ITGA11: variants seen among roughly 807,000 people sequenced by gnomAD.
The protein encoded by ITGA11 is integrin subunit alpha 11, also known as integrin alpha-11.
A neutral mutation model predicts 141.9 loss-of-function variants in ITGA11; 97 were observed. The observed-to-expected ratio is 0.68, with a 90% CI of 0.58 to 0.81. The LOEUF is 0.81. Ranked by LOEUF, ITGA11 falls within the 30% of genes least tolerant of loss-of-function variation. The pLI, the probability that ITGA11 is intolerant of heterozygous loss-of-function variation, is 0.00. For synonymous variants in ITGA11, 658 were observed against 624.6 expected (o/e 1.05, Z -0.80); for missense variants, 1,387 against 1,559.2 (o/e 0.89, Z 1.86).
chr15:68,407,547 A>T (rs987826394), intron 1 of ITGA11, among the ~76,000 whole-genome samples: 1 of 152,122 alleles, frequency 6.6e-6, no homozygotes, highest in Non-Finnish European at 1.5e-5. Flanking sequence ...TGATAAAATA[A>T]AGTTGTTTTG....
chr15:68,418,662 TACAGCTG>T (rs942264910), intron 1 of ITGA11, among the ~76,000 whole-genome samples: 1 of 146,348 alleles, frequency 6.8e-6, no homozygotes, highest in African/African-American at 2.5e-5. Flanking sequence ...GCACAGCCGG[TACAGCTG>T]TACGTGGCGG....
At chr15:68,337,126 T>C (rs985981158) in intron 11 of ITGA11, among the ~76,000 whole-genome samples, 15 of 152,176 alleles carry the variant, frequency 9.9e-5, no homozygotes, top group Non-Finnish European at 1.5e-4. Context: ...ATGTTCTCAG[T>C]TGGTCTTGGG....
In ITGA11 at chr15:68,399,018, G is replaced by A. The variant is rs557428573; in HGVS notation, c.164+3900C>T. On this transcript the variant is annotated intron_variant, in intron 2 of 29. Transcript: ENST00000315757. Reference sequence around the variant, plus strand: ...CCATAAAATTGAACGTATAAATTCAGTATAACTCCAATAAAAATCTCAGCA... The same window carrying A: ...CCATAAAATTGAACGTATAAATTCAATATAACTCCAATAAAAATCTCAGCA... Among the ~76,000 whole-genome samples, 17 of 151,874 alleles carry A rather than the reference G, an allele frequency of 1.1e-4. No homozygotes were observed. In the South Asian group the frequency reaches 3.5e-3, roughly 31 times the overall value.
At chr15:68,431,362 C>G (rs1897266860) in intron 1 of ITGA11, among the ~76,000 whole-genome samples, 1 of 152,230 alleles carries the variant, frequency 6.6e-6, no homozygotes, top group Non-Finnish European at 1.5e-5. Context: ...GGGTCCCTAC[C>G]CCGGGTGTCA....
chr15:68,314,798 G>A (rs573629449), intron 22 of ITGA11, among the ~76,000 whole-genome samples: 1 of 152,214 alleles, frequency 6.6e-6, no homozygotes, highest in South Asian at 2.1e-4. Context: ...TGGGACGCGA[G>A]CACGTGTCGG....
chr15:68,362,865 G>C (rs1895291854), intron 4 of ITGA11, among the ~76,000 whole-genome samples: 1 of 152,100 alleles, frequency 6.6e-6, no homozygotes, highest in Non-Finnish European at 1.5e-5. Flanking sequence ...ATCCATGTAT[G>C]AATGGGTGGA....
intron 1 of ITGA11, among the ~76,000 whole-genome samples, chr15:68,418,510 C>T (rs985851456): frequency 1.3e-5 from 2 of 152,264 alleles, no homozygotes; most frequent in East Asian, 3.9e-4. Flanking sequence ...TGCTTTAAGT[C>T]CCTGTGTAGG....
intron 2 of ITGA11, among the ~76,000 whole-genome samples, chr15:68,379,054 A>G (rs1175756215): frequency 6.6e-6 from 1 of 152,230 alleles, no homozygotes; most frequent in East Asian, 1.9e-4. Flanking sequence ...AAAAGTAGCC[A>G]ACTTGTGCCA....
chr15:68,404,228 C>A (rs1896583839), intron 1 of ITGA11, among the ~76,000 whole-genome samples: 1 of 152,106 alleles, frequency 6.6e-6, no homozygotes, highest in Non-Finnish European at 1.5e-5. Context: ...AGCCTGAGGT[C>A]CCAGTGGCCA....
chr15:68,319,815 G>A (rs1438212766), intron 20 of ITGA11, among the ~76,000 whole-genome samples: 1 of 152,178 alleles, frequency 6.6e-6, no homozygotes, highest in Non-Finnish European at 1.5e-5. Flanking sequence ...AGCCCTGGCT[G>A]CACACTGAAG....
At chr15:68,368,124 T>A (rs565889114) in intron 3 of ITGA11, among the ~76,000 whole-genome samples, 1 of 152,304 alleles carries the variant, frequency 6.6e-6, no homozygotes, top group South Asian at 2.1e-4. Flanking sequence ...GACCTTTTCA[T>A]CCATCAGCTT....
In ITGA11 at chr15:68,322,058, G is replaced by C. The variant is rs987327044; in HGVS notation, c.2323-555C>G. 6.6e-6 allele frequency among the ~76,000 whole-genome samples: 1 copy of C among 152,198 alleles called. No homozygotes were observed. The highest frequency in any genetic ancestry group is 1.5e-5 in the Non-Finnish European group (1 of 68,034). ...GACGGTCAAGGTAGCTGTGTGGACCGGGATGGAGGTGGTGAAGTCCAGGAG... is the reference window on the plus strand; with the variant it reads ...GACGGTCAAGGTAGCTGTGTGGACCCGGATGGAGGTGGTGAAGTCCAGGAG... On this transcript the variant is annotated intron_variant, in intron 18 of 29. Coordinates refer to ENST00000315757, the MANE Select transcript of ITGA11 (RefSeq NM_001004439.2). This position sits in a 1 kb window ranked among gnomAD's most constrained non-coding sequence, Gnocchi z 5.6.
chr15:68,400,587 TTA>T (rs1257415195), intron 2 of ITGA11, among the ~76,000 whole-genome samples: 3 of 102,220 alleles, frequency 2.9e-5, no homozygotes, highest in Non-Finnish European at 5.6e-5. Context: ...TATATATATT[TTA>T]TATATTATAT....
rs1436349349 is a variant in ITGA11 at position 68,364,788 on chromosome 15, G to A, written c.276C>T (p.Thr92=). ...CTTTCCGCTCGGACACGTTGGACAG[G>A]GTGACCCTTCCTGGGGTTGGGGGAG... ...NCTKLNLGRV[T]LSNVSERKDN... Residue 92 remains threonine (T), a synonymous_variant, in exon 4 of 30, where the codon ACC becomes ACT. Transcript: ENST00000315757. The A allele has an allele frequency of 2.5e-6, 4 of 1,613,690 alleles. No homozygotes were observed. Among genetic ancestry groups the A allele is most frequent in the Non-Finnish European group, 3.4e-6 (4 of 1,179,846 alleles).
At chr15:68,393,942 AC>A (rs1346010184) in intron 2 of ITGA11, among the ~76,000 whole-genome samples, 1 of 152,200 alleles carries the variant, frequency 6.6e-6, no homozygotes, top group Admixed American at 6.5e-5. Context: ...CTGGAATCAA[AC>A]TGTCGTAAAG....
intron 6 of ITGA11, 123 bp downstream of exon 6, chr15:68,358,335 A>C: frequency 9.4e-7 from 1 of 1,069,040 alleles, no homozygotes. Context: ...TGGCCCTACT[A>C]CCTCTGCCCT....
At position 68,332,392 on chromosome 15, in the gene ITGA11, C is replaced by A; in HGVS notation, c.1512G>T (p.Met504Ile). Reference protein sequence around the residue: ...VTDVLLVGAPMYFNEGRERGK... With the variant: ...VTDVLLVGAPIYFNEGRERGK... ...CTCGCTCACGGCCCTCGTTGAAGTACATGGGTGCGCCCACCAGCAGGACAT... is the reference window on the plus strand; with the variant it reads ...CTCGCTCACGGCCCTCGTTGAAGTAAATGGGTGCGCCCACCAGCAGGACAT... Residue 504 changes from methionine to isoleucine, a missense_variant, in exon 13 of 30, where the codon ATG becomes ATT. By Grantham distance (10) the Met-to-Ile change is conservative. Coordinates refer to ENST00000315757, the MANE Select transcript of ITGA11 (RefSeq NM_001004439.2). 1 of 1,610,404 alleles carries A rather than the reference C, an allele frequency of 6.2e-7. No homozygotes were observed. Among genetic ancestry groups the A allele is most frequent in the Non-Finnish European group, 8.5e-7 (1 of 1,178,578 alleles).
At position 68,322,876 on chromosome 15, in the gene ITGA11, A is replaced by T. The variant is rs1412932482; in HGVS notation, c.2323-1373T>A. 2.7e-5 allele frequency among the ~76,000 whole-genome samples: 4 copies of T among 146,608 alleles called. No homozygotes were observed. The highest frequency in any genetic ancestry group is 9.9e-5 in the African/African-American group (4 of 40,600). On this transcript the variant is annotated intron_variant, in intron 18 of 29. Coordinates refer to ENST00000315757, the MANE Select transcript of ITGA11 (RefSeq NM_001004439.2). The surrounding 1 kb of genome is among the most constrained non-coding windows in gnomAD (Gnocchi z 5.6). ...CCATTTCAAAAAAAAAAAAAAAGAA[A>T]GTAGGGGTTAAGTGAGAAGTTCAGT...
intron 11 of ITGA11, among the ~76,000 whole-genome samples, chr15:68,336,530 AT>A (rs1894366151): frequency 1.3e-5 from 2 of 152,170 alleles, no homozygotes; most frequent in South Asian, 4.1e-4. Flanking sequence ...CGCTCCCGGT[AT>A]GGCTGTGCCT....
Sources: gnomAD v4.1 joint callset for allele counts (sites outside exome capture counted in the v4.1 genomes callset) on GRCh38, gnomAD v4.1.1 for gene constraint, Gnocchi (gnomAD v3.1) non-coding constraint, MANE v1.5 for transcripts, NCBI Gene and HGNC (gene_info 2026-07-23, HGNC 2026-07-21) for gene names.